Variants in HCN1 observed in about 807,000 individuals in gnomAD.
The protein encoded by HCN1 is hyperpolarization activated cyclic nucleotide gated potassium channel 1, also known as potassium/sodium hyperpolarization-activated cyclic nucleotide-gated channel 1.
A neutral mutation model predicts 78.9 loss-of-function variants in HCN1; 13 were observed. The observed-to-expected ratio is 0.16, with a 90% CI of 0.11 to 0.26. The LOEUF (loss-of-function observed/expected upper bound fraction) is 0.26, where lower values mean the gene tolerates loss of function less well. Among genes scored for constraint, HCN1 ranks in the 10% least tolerant of loss-of-function variants. The pLI is 1.00. For missense variants in HCN1, 810 were observed against 1,154.3 expected (o/e 0.70, Z 4.32); for synonymous variants, 552 against 455.5 (o/e 1.21, Z -2.70).
intron 2 of HCN1, chr5:45,558,117 G>C (rs1743512395): frequency 7.4e-6 from 1 of 135,784 alleles, no homozygotes; most frequent in African/African-American, 2.7e-5. Context: ...CTCTATTCCA[G>C]TGAACACAGA....
Position 45,695,806 on chromosome 5 carries a change from C to T in HCN1, c.288G>A (p.Arg96=). ...CGGGCTGCAGCATGGAGGTGAACTG[C>T]CTCTGCATGAAGCCGTACTGCCGCC... ...GPRRQYGFMQ[R]QFTSMLQPGV... The change falls in exon 1 of 8, where the codon AGG becomes AGA. Residue 96 remains arginine, a synonymous_variant. Coordinates refer to ENST00000303230, the MANE Select transcript of HCN1 (RefSeq NM_021072.4). The T allele has an allele frequency of 1.9e-6, 3 of 1,610,342 alleles. No homozygotes were observed. The highest frequency in any genetic ancestry group is 2.5e-6 in the Non-Finnish European group (3 of 1,179,518).
intron 3 of HCN1, among the ~76,000 whole-genome samples, chr5:45,434,299 A>G (rs1459550724): frequency 6.6e-6 from 1 of 152,206 alleles, no homozygotes; most frequent in Non-Finnish European, 1.5e-5. Flanking sequence ...ATACCCTTGG[A>G]GACACACTTG....
intron 4 of HCN1, among the ~76,000 whole-genome samples, 152 bp downstream of exon 4, chr5:45,396,339 CA>C: frequency 6.6e-6 from 1 of 150,886 alleles, no homozygotes; most frequent in Middle Eastern, 3.5e-3. Context: ...GAAGAAACCT[CA>C]AAATATCAAA....
chr5:45,634,816 C>T (rs920626952), intron 2 of HCN1, among the ~76,000 whole-genome samples: 22 of 152,088 alleles, frequency 1.4e-4, no homozygotes, highest in South Asian at 2.1e-4. Context: ...GCTATGAATT[C>T]GAATGCTTGT....
intron 3 of HCN1, among the ~76,000 whole-genome samples, chr5:45,461,616 T>C (rs1030523259): frequency 2.0e-5 from 3 of 152,118 alleles, no homozygotes; most frequent in African/African-American, 4.8e-5. Context: ...GAATAAAATA[T>C]ATAAAAGTAG....
intron 6 of HCN1, among the ~76,000 whole-genome samples, chr5:45,290,071 G>GTTC (rs1271071381): frequency 6.6e-6 from 1 of 151,848 alleles, no homozygotes; most frequent in African/African-American, 2.4e-5. Flanking sequence ...TTCCTGCACT[G>GTTC]TTCTTGTGAC....
intron 2 of HCN1, among the ~76,000 whole-genome samples, chr5:45,494,321 T>C (rs979523333): frequency 6.6e-6 from 1 of 152,188 alleles, no homozygotes; most frequent in African/African-American, 2.4e-5. Flanking sequence ...TATCTCACTG[T>C]GGTTTTGATT....
intron 2 of HCN1, among the ~76,000 whole-genome samples, chr5:45,581,633 C>T (rs551190042): frequency 6.6e-6 from 1 of 152,114 alleles, no homozygotes; most frequent in South Asian, 2.1e-4. Flanking sequence ...AGGTTTTCTT[C>T]TAGGGTTTTT....
At chr5:45,363,236 G>A (rs914992936) in intron 4 of HCN1, among the ~76,000 whole-genome samples, 2 of 149,326 alleles carry the variant, frequency 1.3e-5, no homozygotes, top group Non-Finnish European at 3.0e-5. Flanking sequence ...TTCCTTGTAA[G>A]CTGACCCACC....
In HCN1 at chr5:45,628,890, A is replaced by G. The variant is rs564650055; in HGVS notation, c.849+16295T>C. Reference sequence around the variant, plus strand: ...AGGCTGAGGCAGGGGAATCACTTCAACTCAGGAGGAGGAGGTCACAGTGAG... The same window carrying G: ...AGGCTGAGGCAGGGGAATCACTTCAGCTCAGGAGGAGGAGGTCACAGTGAG... On this transcript the variant is annotated intron_variant, in intron 2 of 7. Transcript: ENST00000303230. 2.0e-4 allele frequency among the ~76,000 whole-genome samples: 31 copies of G among 151,974 alleles called. No individual in the cohort carries two copies. The South Asian group carries it at 6.0e-3, about 30-fold the overall frequency.
At chr5:45,301,309 G>A (rs1008104328) in intron 6 of HCN1, among the ~76,000 whole-genome samples, 2 of 132,978 alleles carry the variant, frequency 1.5e-5, no homozygotes, top group Non-Finnish European at 3.2e-5. Flanking sequence ...TACTTTGGTT[G>A]GGTTAATACT....
At chr5:45,568,402 A>G (rs541576063) in intron 2 of HCN1, among the ~76,000 whole-genome samples, 2 of 152,026 alleles carry the variant, frequency 1.3e-5, no homozygotes, top group Non-Finnish European at 2.9e-5. Flanking sequence ...AAAGTGCAAA[A>G]TTTGAAAAAA....
intron 1 of HCN1, among the ~76,000 whole-genome samples, chr5:45,672,619 T>C (rs1211502342): frequency 6.6e-6 from 1 of 150,800 alleles, no homozygotes; most frequent in African/African-American, 2.4e-5. Flanking sequence ...TTGCTTGTTG[T>C]CTGTGTTTGA....
intron 1 of HCN1, among the ~76,000 whole-genome samples, chr5:45,647,476 GT>G (rs1745571994): frequency 6.6e-6 from 1 of 152,060 alleles, no homozygotes; most frequent in Non-Finnish European, 1.5e-5. Flanking sequence ...CAAGGCTGTT[GT>G]TCCCCTGGGT....
At position 45,261,368 on chromosome 5, in the gene HCN1, T is replaced by C. The variant is rs1744732625; in HGVS notation, c.*553A>G. ...TAGTCTCCTACGGTGGCCAAGCAAG[T>C]AGTGCATTCTTTAACCTAATTTGAA... On this transcript the variant is annotated 3_prime_UTR_variant, in exon 8 of 8. Coordinates refer to ENST00000303230, the MANE Select transcript of HCN1 (RefSeq NM_021072.4). 6.5e-6 allele frequency: 1 copy of C among 153,324 alleles called. No homozygotes were observed. Among genetic ancestry groups the C allele is most frequent in the African/African-American group, 2.4e-5 (1 of 41,594 alleles). The allele number at this position is 153,324 out of a possible 1,614,324, so 9.5% of individuals were successfully genotyped here. A position where few individuals can be genotyped will look rare whatever the true frequency, so the allele number is the denominator to read the frequency against.
intron 2 of HCN1, among the ~76,000 whole-genome samples, chr5:45,616,267 G>T (rs2111986953): frequency 6.6e-6 from 1 of 152,026 alleles, no homozygotes; most frequent in South Asian, 2.1e-4. Flanking sequence ...TATAATCTAT[G>T]AGATCACCCA....
intron 5 of HCN1, among the ~76,000 whole-genome samples, chr5:45,346,552 A>T (rs1226918737): frequency 1.3e-5 from 2 of 152,204 alleles, no homozygotes; most frequent in African/African-American, 2.4e-5. Flanking sequence ...GAGCTGAAGC[A>T]GGGCGAGGCA....
chr5:45,657,483 T>G (rs957050524), intron 1 of HCN1, among the ~76,000 whole-genome samples: 4 of 152,184 alleles, frequency 2.6e-5, no homozygotes, highest in African/African-American at 9.6e-5. Context: ...TTGCACTTGC[T>G]TTTTTTATGT....
At position 45,390,791 on chromosome 5, in the gene HCN1, G is replaced by T. The variant is rs6888366; in HGVS notation, c.1230+5701C>A. Reference sequence around the variant, plus strand: ...AGTCTCAAACTCCCTCCCTTATAAAGACTTACTCCAGACTTTATAACAACA... The same window carrying T: ...AGTCTCAAACTCCCTCCCTTATAAATACTTACTCCAGACTTTATAACAACA... On this transcript the variant is annotated intron_variant, in intron 4 of 7. Transcript: ENST00000303230. Among the ~76,000 whole-genome samples the T allele has an allele frequency of 1.7e-3, 252 of 152,118 alleles. 1 individual carries two copies. Among genetic ancestry groups the T allele is most frequent in the African/African-American group, 5.9e-3 (246 of 41,500 alleles).
Sources: gnomAD v4.1 joint callset for allele counts (sites outside exome capture counted in the v4.1 genomes callset) on GRCh38, gnomAD v4.1.1 for gene constraint, MANE v1.5 for transcripts, NCBI Gene and HGNC (gene_info 2026-07-23, HGNC 2026-07-21) for gene names.